The following APP variants were observed in gnomAD, a reference collection of about 807,000 sequenced individuals.
The protein encoded by APP is amyloid-beta precursor protein.
A neutral mutation model predicts 101.4 loss-of-function variants in APP; 31 were observed. The ratio of observed to expected loss-of-function variants is 0.31; its 90% CI spans 0.23 to 0.41. APP has a LOEUF of 0.41. Among genes scored for constraint, APP ranks in the 10% least tolerant of loss-of-function variants. The probability of loss-of-function intolerance (pLI) is 1.00; values close to 1 mark genes in which losing one functional copy is unlikely to be tolerated. For synonymous variants in APP, 366 were observed against 364.4 expected, an observed-to-expected ratio of 1.00 and a Z score of -0.05; for missense variants, 839 against 1,003.7, an observed-to-expected ratio of 0.84 and a Z score of 2.22.
intron 2 of APP, among the ~76,000 whole-genome samples, chr21:26,107,917 T>C (rs1349322159): frequency 6.6e-6 from 1 of 152,218 alleles, no homozygotes; most frequent in African/African-American, 2.4e-5. Context: ...CACAGGGTTC[T>C]AGAAAGGCAT....
intron 3 of APP, among the ~76,000 whole-genome samples, chr21:26,083,727 T>A (rs950386196): frequency 6.6e-6 from 1 of 152,206 alleles, no homozygotes; most frequent in African/African-American, 2.4e-5. Context: ...TTTTCTCACC[T>A]ATCATCTAGG....
At chr21:25,993,842 G>A (rs2042957641) in intron 8 of APP, among the ~76,000 whole-genome samples, 1 of 152,042 alleles carries the variant, frequency 6.6e-6, no homozygotes, top group African/African-American at 2.4e-5. Context: ...ATGGCATTTA[G>A]TGGGTAGGGG....
chr21:25,981,442 C>A (rs2042425940), intron 9 of APP, among the ~76,000 whole-genome samples: 1 of 152,156 alleles, frequency 6.6e-6, no homozygotes, highest in Non-Finnish European at 1.5e-5. Flanking sequence ...CACATTCACT[C>A]CTAGGTTTGT....
rs200283638 is a variant in APP at position 26,051,003 on chromosome 21, C to T, written c.659G>A (p.Gly220Glu). 3 of 1,614,166 alleles carry T rather than the reference C, an allele frequency of 1.9e-6. No homozygotes were observed. Among genetic ancestry groups the T allele is most frequent in the Admixed American group, 1.7e-5 (1 of 60,016 alleles). The change falls in exon 5 of 18, where the codon GGG becomes GAG. Residue 220 changes from glycine to glutamate, a missense_variant. Transcript: ENST00000346798. ...WGGADTDYAD[G>E]SEDKVVEVAE... Reference sequence around the variant, plus strand: ...CTGAACACAAAGGCCACCTTACCTCCCATCTGCATAGTCTGTGTCTGCTCC... The same window carrying T: ...CTGAACACAAAGGCCACCTTACCTCTCATCTGCATAGTCTGTGTCTGCTCC...
chr21:26,115,831 C>CA (rs1030700427), intron 1 of APP, among the ~76,000 whole-genome samples: 4 of 152,256 alleles, frequency 2.6e-5, no homozygotes, highest in Admixed American at 2.6e-4. Context: ...ATTTTTTAAA[C>CA]ATTTTTATTT....
chr21:26,045,895 G>T (rs1003752089), intron 5 of APP, among the ~76,000 whole-genome samples: 1 of 152,144 alleles, frequency 6.6e-6, no homozygotes, highest in Non-Finnish European at 1.5e-5. Flanking sequence ...GAAGAAAGAG[G>T]TTTAACTGGA....
chr21:26,163,918 G>T (rs956502314), intron 1 of APP, among the ~76,000 whole-genome samples: 6 of 152,186 alleles, frequency 3.9e-5, no homozygotes, highest in African/African-American at 1.2e-4. Flanking sequence ...AAGTTTTAAA[G>T]ATGTAACAGC....
intron 15 of APP, 65 bp from the exon 16 acceptor site, chr21:25,897,738 T>C: frequency 7.2e-7 from 1 of 1,393,668 alleles, no homozygotes; most frequent in South Asian, 1.2e-5. Flanking sequence ...ATAATAACAC[T>C]GTAAGACAAA....
chr21:26,105,603 T>C (rs2062165327), intron 2 of APP, among the ~76,000 whole-genome samples: 1 of 152,048 alleles, frequency 6.6e-6, no homozygotes, highest in Non-Finnish European at 1.5e-5. Flanking sequence ...ATTCATTATT[T>C]CTAATTATAA....
chr21:26,128,889 C>T (rs1340811868), intron 1 of APP, among the ~76,000 whole-genome samples: 1 of 152,098 alleles, frequency 6.6e-6, no homozygotes, highest in Non-Finnish European at 1.5e-5. Context: ...CAAAACTTAA[C>T]CAGATCATTC....
chr21:26,003,234 T>TACATGTTAA (rs1326472238), intron 6 of APP, among the ~76,000 whole-genome samples: 1 of 152,266 alleles, frequency 6.6e-6, no homozygotes, highest in Non-Finnish European at 1.5e-5. Flanking sequence ...AAAATCCATT[T>TACATGTTAA]ACATGTTAAT....
chr21:25,931,331 C>A (rs2040136629), intron 13 of APP, among the ~76,000 whole-genome samples: 1 of 152,168 alleles, frequency 6.6e-6, no homozygotes, highest in Non-Finnish European at 1.5e-5. Context: ...GGATCTGTGA[C>A]TCTTCTGGCT....
chr21:25,889,473 G>A (rs973265123), intron 17 of APP, among the ~76,000 whole-genome samples: 2 of 152,178 alleles, frequency 1.3e-5, no homozygotes, highest in Admixed American at 6.5e-5. Flanking sequence ...CCAAGTCTTT[G>A]GCCTCTGGCA....
intron 13 of APP, chr21:25,945,867 A>T: frequency 2.2e-6 from 1 of 455,084 alleles, no homozygotes. Flanking sequence ...TTTTTTGTAG[A>T]AATGTGGTCT....
At chr21:26,001,045 T>C (rs1434686853) in intron 6 of APP, among the ~76,000 whole-genome samples, 1 of 152,180 alleles carries the variant, frequency 6.6e-6, no homozygotes, top group Non-Finnish European at 1.5e-5. Context: ...TTGATATTTA[T>C]GTATTAAAAA....
chr21:25,901,955 G>A (rs1226740487), intron 15 of APP, among the ~76,000 whole-genome samples: 1 of 152,046 alleles, frequency 6.6e-6, no homozygotes, highest in African/African-American at 2.4e-5. Context: ...TTTTATTCTG[G>A]TCAAACTGTA....
intron 13 of APP, among the ~76,000 whole-genome samples, chr21:25,912,654 C>T (rs1007745030): frequency 6.6e-6 from 1 of 152,144 alleles, no homozygotes; most frequent in Non-Finnish European, 1.5e-5. Context: ...CCGTATTTCC[C>T]AATGTGAGCA....
intron 6 of APP, among the ~76,000 whole-genome samples, chr21:26,012,125 A>C: frequency 6.6e-6 from 1 of 150,542 alleles, no homozygotes; most frequent in African/African-American, 2.4e-5. Flanking sequence ...CTCCCACCTC[A>C]GCCTCCTGAG....
intron 1 of APP, among the ~76,000 whole-genome samples, chr21:26,152,201 CG>C (rs1218476548): frequency 2.0e-5 from 3 of 146,732 alleles, no homozygotes; most frequent in Non-Finnish European, 4.5e-5. Context: ...GGGAGAATGG[CG>C]TGAACCCGGG....
Sources: allele counts gnomAD v4.1 joint callset (sites outside exome capture counted in the v4.1 genomes callset), GRCh38; gene constraint gnomAD v4.1.1; transcripts MANE v1.5; gene names NCBI Gene and HGNC (gene_info 2026-07-23, HGNC 2026-07-21).